Variants in KCNIP3 observed in about 807,000 individuals in gnomAD.
KCNIP3 encodes the protein calsenilin.
A neutral mutation model predicts 35.0 loss-of-function variants in KCNIP3; 28 were observed. The ratio of observed to expected loss-of-function variants is 0.80; its 90% CI spans 0.59 to 1.10. The LOEUF is 1.10. Ranked by LOEUF, KCNIP3 falls within the 50% of genes least tolerant of loss-of-function variation. The probability of loss-of-function intolerance (pLI) is 0.00; values close to 1 mark genes in which losing one functional copy is unlikely to be tolerated. For synonymous variants in KCNIP3, 134 were observed against 133.8 expected, an observed-to-expected ratio of 1.00 and a Z score of -0.01; for missense variants, 295 against 338.4, an observed-to-expected ratio of 0.87 and a Z score of 1.01.
chr2:95,346,600 G>C (rs1284365271), intron 2 of KCNIP3: 1 of 145,726 alleles, frequency 6.9e-6, no homozygotes, highest in Non-Finnish European at 1.5e-5. Context: ...CCCCGCCGCC[G>C]CGCCGCCGCC....
intron 1 of KCNIP3, 74 bp from the exon 2 acceptor site, chr2:95,310,281 G>A: frequency 6.4e-7 from 1 of 1,572,038 alleles, no homozygotes; most frequent in Non-Finnish European, 8.8e-7. Context: ...TAGGATATCA[G>A]GGCAGCTCGG....
chr2:95,297,837 G>A (rs915850572), intron 1 of KCNIP3, among the ~76,000 whole-genome samples: 21 of 152,306 alleles, frequency 1.4e-4, no homozygotes, highest in Non-Finnish European at 3.1e-4. Context: ...CAGCGTGGCT[G>A]ACACTGAGCC....
chr2:95,368,817 C>T, intron 2 of KCNIP3: 1 of 222,656 alleles, frequency 4.5e-6, no homozygotes, highest in South Asian at 9.7e-5. Flanking sequence ...CTTTGATGAC[C>T]CTTCATGTCG....
intron 1 of KCNIP3, among the ~76,000 whole-genome samples, chr2:95,307,495 G>A (rs1288852832): frequency 1.3e-5 from 2 of 152,222 alleles, no homozygotes; most frequent in Non-Finnish European, 2.9e-5. Flanking sequence ...AATGGGGATC[G>A]TCTTACCGAT....
rs564566584 is a variant in KCNIP3, at chr2:95,383,379, C to T, written c.723+85C>T. ...TTGGCAGCGTCTGCCCCTTCCCTCA[C>T]CCCAGTCCCACCCCTGCCAGTCCAG... On this transcript the variant is annotated intron_variant, in intron 8 of 8. Coordinates refer to ENST00000295225, the MANE Select transcript of KCNIP3 (RefSeq NM_013434.5). 2.3e-5 allele frequency: 31 copies of T among 1,338,562 alleles called. No homozygotes were observed. The African/African-American group carries it at 2.9e-4, about 12-fold the overall frequency. The allele number at this position is 1,338,562 out of a possible 1,614,324, so 82.9% of individuals were successfully genotyped here. A position where few individuals can be genotyped will look rare whatever the true frequency, so the allele number is the denominator to read the frequency against.
intron 4 of KCNIP3, 85 bp downstream of exon 4, chr2:95,375,002 G>T (rs1373648540): frequency 6.5e-7 from 1 of 1,532,242 alleles, no homozygotes; most frequent in Non-Finnish European, 9.0e-7. Context: ...TGGAGGCTTG[G>T]TGCTGCCCCT....
At chr2:95,300,085 C>T (rs572989667) in intron 1 of KCNIP3, among the ~76,000 whole-genome samples, 6 of 152,328 alleles carry the variant, frequency 3.9e-5, no homozygotes, top group South Asian at 2.1e-4. Flanking sequence ...TTGGGGGTTG[C>T]GGAAGAAGAC....
At chr2:95,346,909 C>T (rs1258948334) in intron 2 of KCNIP3, 1 of 502,410 alleles carries the variant, frequency 2.0e-6, no homozygotes, top group Non-Finnish European at 3.1e-6. Flanking sequence ...GCATGTGAGC[C>T]GTCGCCGCCC....
chr2:95,340,211 C>G (rs1176851698), intron 2 of KCNIP3, among the ~76,000 whole-genome samples: 1 of 152,192 alleles, frequency 6.6e-6, no homozygotes, highest in African/African-American at 2.4e-5. Flanking sequence ...GTGGTGCATG[C>G]CTGTAATCCC....
At chr2:95,362,813 G>A (rs1342202093) in intron 2 of KCNIP3, among the ~76,000 whole-genome samples, 1 of 152,214 alleles carries the variant, frequency 6.6e-6, no homozygotes, top group East Asian at 1.9e-4. Context: ...GGCCCAGGGA[G>A]TTGAGGACCC....
intron 3 of KCNIP3, among the ~76,000 whole-genome samples, 180 bp from the exon 4 acceptor site, chr2:95,374,668 C>T (rs1051235847): frequency 4.6e-5 from 7 of 152,156 alleles, no homozygotes; most frequent in Non-Finnish European, 8.8e-5. Context: ...CCTATTCACC[C>T]CTCCTCCCTC....
chr2:95,383,889 C>G, intron 8 of KCNIP3, 113 bp from the exon 9 acceptor site: 1 of 905,208 alleles, frequency 1.1e-6, no homozygotes, highest in Non-Finnish European at 1.8e-6. Flanking sequence ...CCCAATAAGA[C>G]AGACAGACAG....
At position 95,315,479 on chromosome 2, in the gene KCNIP3, G is replaced by A. The variant is rs551953342; in HGVS notation, c.181+4959G>A. ...TGAAGCACTTGCTGTCCCACACTCC[G>A]GGTGGTTCCTCCCCAGGCCTCCCAG... On this transcript the variant is annotated intron_variant, in intron 2 of 8. Coordinates refer to ENST00000295225, the MANE Select transcript of KCNIP3 (RefSeq NM_013434.5). Among the ~76,000 whole-genome samples the A allele has an allele frequency of 6.6e-5, 10 of 152,192 alleles. No homozygotes were observed. In the South Asian group the frequency reaches 1.5e-3, roughly 22 times the overall value.
At chr2:95,359,170 C>T (rs1229446259) in intron 2 of KCNIP3, among the ~76,000 whole-genome samples, 1 of 152,122 alleles carries the variant, frequency 6.6e-6, no homozygotes, top group East Asian at 1.9e-4. Context: ...GGTCTTAGCT[C>T]ATTCCAGCAG....
At chr2:95,346,518 G>T (rs1242307137) in intron 2 of KCNIP3, among the ~76,000 whole-genome samples, 1 of 148,824 alleles carries the variant, frequency 6.7e-6, no homozygotes, top group Non-Finnish European at 1.5e-5. Flanking sequence ...TCCCGGAGTG[G>T]CCGCCGCGCC....
rs907551448 is a variant in KCNIP3, at chr2:95,382,929, G to A, written c.661-303G>A. 2.6e-5 allele frequency among the ~76,000 whole-genome samples: 4 copies of A among 152,174 alleles called. No homozygotes were observed. Among genetic ancestry groups the A allele is most frequent in the Non-Finnish European group, 2.9e-5 (2 of 68,030 alleles). ...TGGCTGCCTCTCAGGGAGGTGAGGC[G>A]GTCAGATGAGCATGGGGACAAATTC... is the stretch of plus-strand genomic sequence containing the variant. On this transcript the variant is annotated intron_variant, in intron 7 of 8. Transcript: ENST00000295225. The surrounding 1 kb of genome is among the most constrained non-coding windows in gnomAD (Gnocchi z 4.5).
intron 2 of KCNIP3, among the ~76,000 whole-genome samples, chr2:95,320,766 A>G (rs895470085): frequency 2.0e-5 from 3 of 152,026 alleles, no homozygotes; most frequent in Admixed American, 1.3e-4. Context: ...CATTCAGATC[A>G]CCATGGCCTT....
chr2:95,374,753 C>G, intron 3 of KCNIP3, 95 bp from the exon 4 acceptor site: 1 of 1,428,078 alleles, frequency 7.0e-7, no homozygotes, highest in Admixed American at 1.8e-5. Flanking sequence ...GCAGGCAGCC[C>G]CCAAGGGGGT....
At chr2:95,347,404 C>T (rs539273157) in intron 2 of KCNIP3, among the ~76,000 whole-genome samples, 3 of 152,346 alleles carry the variant, frequency 2.0e-5, no homozygotes, top group African/African-American at 7.2e-5. Flanking sequence ...TCCGGGCGCC[C>T]CTGGTGAGCA....
Sources: allele counts gnomAD v4.1 joint callset (sites outside exome capture counted in the v4.1 genomes callset), GRCh38; gene constraint gnomAD v4.1.1; non-coding constraint Gnocchi (gnomAD v3.1); transcripts MANE v1.5; gene names NCBI Gene and HGNC (gene_info 2026-07-23, HGNC 2026-07-21).